Variants in CPPED1 observed in about 807,000 individuals in gnomAD.
The protein encoded by CPPED1 is calcineurin like phosphoesterase domain containing 1, also known as serine/threonine-protein phosphatase CPPED1.
In CPPED1, 28 loss-of-function variants were observed where a neutral mutation model predicts 28.0. That is an observed-to-expected ratio of 1.00 (90% CI 0.74 to 1.37). The LOEUF (loss-of-function observed/expected upper bound fraction) is 1.37. CPPED1 is among the 40% of genes most tolerant of loss of function. The pLI, the probability that CPPED1 is intolerant of heterozygous loss-of-function variation, is 0.00. For missense variants in CPPED1, 504 were observed against 416.5 expected (o/e 1.21, Z -1.83); for synonymous variants, 198 against 180.2 (o/e 1.10, Z -0.79).
intron 2 of CPPED1, among the ~76,000 whole-genome samples, chr16:12,723,861 G>T (rs999545999): frequency 1.3e-5 from 2 of 152,038 alleles, no homozygotes; most frequent in African/African-American, 4.8e-5. Context: ...TTCTGCCCAT[G>T]CCACTGCCTC....
intron 2 of CPPED1, among the ~76,000 whole-genome samples, chr16:12,750,608 T>G (rs926645623): frequency 6.6e-6 from 1 of 151,964 alleles, no homozygotes; most frequent in Non-Finnish European, 1.5e-5. Flanking sequence ...ATAACAGATA[T>G]AGTAAAGAAG....
chr16:12,699,531 T>C (rs976395519), intron 3 of CPPED1, among the ~76,000 whole-genome samples: 5 of 152,224 alleles, frequency 3.3e-5, no homozygotes, highest in African/African-American at 1.2e-4. Flanking sequence ...GAGATGATTG[T>C]TGATGCTCAT....
rs2080066455 is a variant in CPPED1 at position 12,709,095 on chromosome 16, A to G, written c.290-4046T>C. Among the ~76,000 whole-genome samples the G allele has an allele frequency of 6.6e-6, 1 of 152,164 alleles. No homozygotes were observed. Among genetic ancestry groups the G allele is most frequent in the Admixed American group, 6.5e-5 (1 of 15,276 alleles). On this transcript the variant is annotated intron_variant, in intron 2 of 3. Transcript: ENST00000381774. This position sits in a 1 kb window ranked among gnomAD's most constrained non-coding sequence, Gnocchi z 4.4. ...AACTCTGTCTCAAAAATGTCCCATTATATATGAGAACCCAAAGCCCAAAGC... is the reference window on the plus strand; with the variant it reads ...AACTCTGTCTCAAAAATGTCCCATTGTATATGAGAACCCAAAGCCCAAAGC...
chr16:12,791,333 G>A (rs561650834), intron 1 of CPPED1, among the ~76,000 whole-genome samples: 2 of 152,180 alleles, frequency 1.3e-5, no homozygotes, highest in East Asian at 3.9e-4. Flanking sequence ...TTCTGTTCCT[G>A]TGTTAGTTTG....
At chr16:12,767,207 T>C (rs956102095) in intron 2 of CPPED1, among the ~76,000 whole-genome samples, 10 of 152,100 alleles carry the variant, frequency 6.6e-5, no homozygotes, top group African/African-American at 2.2e-4. Context: ...AAACTGATGG[T>C]GTTAGTGCTG....
At chr16:12,758,895 G>A (rs950493698) in intron 2 of CPPED1, among the ~76,000 whole-genome samples, 1 of 151,956 alleles carries the variant, frequency 6.6e-6, no homozygotes, top group Non-Finnish European at 1.5e-5. Flanking sequence ...GGGTGTGGTG[G>A]CTCATGCTTG....
Position 12,682,935 on chromosome 16 carries a change from G to T in CPPED1, c.716-17820C>A, listed in dbSNP as rs1301097774. ...GCTCTATCTTAAACACAGCTGTCAG[G>T]ACAAGAGGCTCATTAAAAAGATTGT... On this transcript the variant is annotated intron_variant, in intron 3 of 3. Transcript: ENST00000381774. This position sits in a 1 kb window ranked among gnomAD's most constrained non-coding sequence, Gnocchi z 6.1. Among the ~76,000 whole-genome samples the T allele has an allele frequency of 2.0e-5, 3 of 152,202 alleles. No homozygotes were observed. Among genetic ancestry groups the T allele is most frequent in the Non-Finnish European group, 4.4e-5 (3 of 68,038 alleles).
At chr16:12,729,301 C>G (rs1332533148) in intron 2 of CPPED1, among the ~76,000 whole-genome samples, 1 of 152,100 alleles carries the variant, frequency 6.6e-6, no homozygotes, top group East Asian at 1.9e-4. Context: ...ATTAATATTA[C>G]AAGGTTAATT....
At chr16:12,702,222 C>T (rs988781011) in intron 3 of CPPED1, among the ~76,000 whole-genome samples, 2 of 151,854 alleles carry the variant, frequency 1.3e-5, no homozygotes, top group Non-Finnish European at 2.9e-5. Context: ...CCTGTAGGGC[C>T]CTTGGTGGGT....
intron 2 of CPPED1, among the ~76,000 whole-genome samples, chr16:12,718,815 T>C (rs1426802823): frequency 1.3e-5 from 2 of 151,888 alleles, no homozygotes; most frequent in Non-Finnish European, 2.9e-5. Flanking sequence ...ATACAAAAAA[T>C]AGCTGGGCGT....
intron 2 of CPPED1, among the ~76,000 whole-genome samples, chr16:12,776,244 T>G (rs771465292): frequency 6.6e-6 from 1 of 152,146 alleles, no homozygotes; most frequent in African/African-American, 2.4e-5. Context: ...AGAAACGCAG[T>G]TGGCCTCTAG....
intron 2 of CPPED1, among the ~76,000 whole-genome samples, chr16:12,773,261 G>C (rs2080479896): frequency 1.3e-5 from 2 of 152,168 alleles, no homozygotes; most frequent in African/African-American, 4.8e-5. Context: ...GTTATTCAGT[G>C]TTGTGTAAAA....
At position 12,781,235 on chromosome 16, in the gene CPPED1, G is replaced by C. The variant is rs1227806450; in HGVS notation, c.239C>G (p.Pro80Arg). ...GCACAGAACGAAGAATTTGGGTTTG[G>C]GGTTCAGCTTGTTGATGGCCTGGAC... ...QAVQAINKLN[P>R]KPKFFVLCGD... Residue 80 changes from proline to arginine, a missense_variant, in exon 2 of 4, where the codon CCC (proline) becomes CGC (arginine). By Grantham distance (103) the Pro-to-Arg change is moderately radical. Transcript: ENST00000381774. 1.2e-6 allele frequency: 2 copies of C among 1,614,116 alleles called. No homozygotes were observed. The highest frequency in any genetic ancestry group is 1.7e-6 in the Non-Finnish European group (2 of 1,180,008).
At chr16:12,711,818 TC>T (rs887803729) in intron 2 of CPPED1, among the ~76,000 whole-genome samples, 24 of 152,252 alleles carry the variant, frequency 1.6e-4, no homozygotes, top group African/African-American at 5.3e-4. Flanking sequence ...TATTATCACC[TC>T]CTTTATGGAA....
intron 2 of CPPED1, 24 bp downstream of exon 2, chr16:12,781,161 C>T: frequency 2.5e-6 from 4 of 1,598,912 alleles, no homozygotes; most frequent in Non-Finnish European, 3.4e-6. Flanking sequence ...GAGAAAAGGT[C>T]ACAAGCGATG....
At chr16:12,772,050 G>A (rs2080473147) in intron 2 of CPPED1, among the ~76,000 whole-genome samples, 1 of 152,158 alleles carries the variant, frequency 6.6e-6, no homozygotes, top group Non-Finnish European at 1.5e-5. Context: ...TTGAACCCGG[G>A]AGGCGGAGGT....
intron 1 of CPPED1, among the ~76,000 whole-genome samples, chr16:12,792,183 C>T (rs967993165): frequency 6.6e-6 from 1 of 152,156 alleles, no homozygotes; most frequent in Non-Finnish European, 1.5e-5. Flanking sequence ...AAACTCCTGA[C>T]TTCAAGTGAT....
chr16:12,702,127 G>C (rs111307428), intron 3 of CPPED1, among the ~76,000 whole-genome samples: 4,107 of 152,198 alleles, frequency 0.027, 184 homozygotes, highest in African/African-American at 0.095. Context: ...CCAGCTCTTG[G>C]TTTGCCAGCA....
At chr16:12,691,858 A>G in intron 3 of CPPED1, among the ~76,000 whole-genome samples, 1 of 148,734 alleles carries the variant, frequency 6.7e-6, no homozygotes, top group Non-Finnish European at 1.5e-5. Flanking sequence ...GACATGCCTA[A>G]TGTTAAATGA....
Sources: allele counts gnomAD v4.1 joint callset (sites outside exome capture counted in the v4.1 genomes callset), GRCh38; gene constraint gnomAD v4.1.1; non-coding constraint Gnocchi (gnomAD v3.1); transcripts MANE v1.5; gene names NCBI Gene and HGNC (gene_info 2026-07-23, HGNC 2026-07-21).